The following SMG7 variants were observed in gnomAD, a reference collection of about 807,000 sequenced individuals.
SMG7 encodes nonsense-mediated mRNA decay factor SMG7.
In SMG7, 34 loss-of-function variants were observed where a neutral mutation model predicts 148.2. That is an observed-to-expected ratio of 0.23 (90% CI 0.17 to 0.31). The LOEUF (loss-of-function observed/expected upper bound fraction) is 0.31. Among genes scored for constraint, SMG7 ranks in the 10% least tolerant of loss-of-function variants. SMG7 has a pLI of 1.00. For missense variants in SMG7, 1,114 were observed against 1,408.4 expected (o/e 0.79, Z 3.35); for synonymous variants, 492 against 515.1 (o/e 0.96, Z 0.61).
intron 10 of SMG7, among the ~76,000 whole-genome samples, chr1:183,535,322 G>C (rs1396650261): frequency 6.6e-6 from 1 of 152,126 alleles, no homozygotes; most frequent in Non-Finnish European, 1.5e-5. Flanking sequence ...TGAACCAGAA[G>C]GAACAGCTTT....
chr1:183,504,130 G>A (rs1289425697), intron 1 of SMG7, among the ~76,000 whole-genome samples: 1 of 151,772 alleles, frequency 6.6e-6, no homozygotes, highest in East Asian at 1.9e-4. Context: ...GACTTTTATT[G>A]TATTGAAATT....
At position 183,472,542 on chromosome 1, in the gene SMG7, G is replaced by A; in HGVS notation, c.-79G>A. On this transcript the variant is annotated 5_prime_UTR_variant, in exon 1 of 23. Coordinates refer to ENST00000688051, the MANE Select transcript of SMG7 (RefSeq NM_001375584.1). Reference sequence around the variant, plus strand: ...AAGATGGCGGCGGCCGCCAGCACCCGCGGTGCCGCGGGGCCGCTCCGAGGA... The same window carrying A: ...AAGATGGCGGCGGCCGCCAGCACCCACGGTGCCGCGGGGCCGCTCCGAGGA... 2 of 1,318,184 alleles carry A rather than the reference G, an allele frequency of 1.5e-6. No homozygotes were observed. Among genetic ancestry groups the A allele is most frequent in the Non-Finnish European group, 2.0e-6 (2 of 1,017,948 alleles). The allele number at this position is 1,318,184 out of a possible 1,614,324, so 81.7% of individuals were successfully genotyped here. A position where few individuals can be genotyped will look rare whatever the true frequency, so the allele number is the denominator to read the frequency against.
intron 12 of SMG7, among the ~76,000 whole-genome samples, chr1:183,540,277 A>G (rs569490128): frequency 6.6e-6 from 1 of 152,222 alleles, no homozygotes; most frequent in Non-Finnish European, 1.5e-5. Context: ...TCCTCCTTTT[A>G]CTATATTCAC....
At chr1:183,483,544 A>G (rs911884373) in intron 1 of SMG7, among the ~76,000 whole-genome samples, 2 of 152,170 alleles carry the variant, frequency 1.3e-5, no homozygotes, top group Non-Finnish European at 2.9e-5. Context: ...GAGAACCACC[A>G]TAGGATAAAT....
intron 17 of SMG7, among the ~76,000 whole-genome samples, chr1:183,546,686 G>A (rs1385461024): frequency 6.6e-6 from 1 of 152,180 alleles, no homozygotes; most frequent in Non-Finnish European, 1.5e-5. Context: ...TAAATAAATT[G>A]CTCTCTGAGA....
chr1:183,482,155 C>T (rs959688913), intron 1 of SMG7, among the ~76,000 whole-genome samples: 1 of 151,956 alleles, frequency 6.6e-6, no homozygotes, highest in African/African-American at 2.4e-5. Context: ...ATTGAGACTA[C>T]CAGTCACATT....
chr1:183,505,009 ATTT>A (rs1446587221), intron 1 of SMG7, among the ~76,000 whole-genome samples: 2 of 149,856 alleles, frequency 1.3e-5, no homozygotes, highest in African/African-American at 4.9e-5. Flanking sequence ...ATTTTCTCCT[ATTT>A]TTTATTTTTT....
At position 183,538,405 on chromosome 1, in the gene SMG7, A is replaced by G. The variant is rs764568968; in HGVS notation, c.1260A>G (p.Glu420=). The G allele has an allele frequency of 2.5e-6, 4 of 1,613,446 alleles. No individual in the cohort carries two copies. Among genetic ancestry groups the G allele is most frequent in the Non-Finnish European group, 3.4e-6 (4 of 1,179,424 alleles). The change falls in exon 12 of 23, where the codon GAA becomes GAG. Residue 420 remains glutamate, a synonymous_variant. Coordinates refer to ENST00000688051, the MANE Select transcript of SMG7 (RefSeq NM_001375584.1). ...CGACACCACTTCCAGAGGAGTTTGA[A>G]TTACAAGGATTTTTGGCATTGAGAC... The part of the protein sequence containing the change: ...ISATPLPEEF[E]LQGFLALRPS...
At chr1:183,510,946 G>GTGC (rs1661976911) in intron 1 of SMG7, among the ~76,000 whole-genome samples, 1 of 151,648 alleles carries the variant, frequency 6.6e-6, no homozygotes, top group African/African-American at 2.4e-5. Context: ...AGCCGAGATC[G>GTGC]TGCTGCTGCA....
Position 183,551,130 on chromosome 1 carries a change from C to G in SMG7, c.3390C>G (p.Thr1130=). The change falls in exon 22 of 23, where the codon ACC becomes ACG. Residue 1130 remains threonine (T), a synonymous_variant. Transcript: ENST00000688051. ...SWHQASTPSG[T]WTGHGPSMED... is the part of the protein sequence containing the mutation. ...ATCAGGCCAGCACTCCGAGTGGCAC[C>G]TGGACAGGCCATGGCCCTTCCATGG... 1 of 1,605,790 alleles carries G rather than the reference C, an allele frequency of 6.2e-7. No individual in the cohort carries two copies. The highest frequency in any genetic ancestry group is 8.5e-7 in the Non-Finnish European group (1 of 1,178,002).
At position 183,552,825 on chromosome 1, in the gene SMG7, G is replaced by A; in HGVS notation, c.*894G>A. On this transcript the variant is annotated 3_prime_UTR_variant, in exon 23 of 23. Coordinates refer to ENST00000688051, the MANE Select transcript of SMG7 (RefSeq NM_001375584.1). Reference sequence around the variant, plus strand: ...GCCTGACACGTTCTAATAGGTAGAAGCTTTCAGTGTGGTTATTTTTTCTTT... The same window carrying A: ...GCCTGACACGTTCTAATAGGTAGAAACTTTCAGTGTGGTTATTTTTTCTTT... The A allele has an allele frequency of 2.1e-6, 3 of 1,431,610 alleles. No individual in the cohort carries two copies. In the South Asian group the frequency reaches 4.6e-5, roughly 22 times the overall value. The allele number at this position is 1,431,610 out of a possible 1,614,324, so 88.7% of individuals were successfully genotyped here. A position where few individuals can be genotyped will look rare whatever the true frequency, so the allele number is the denominator to read the frequency against.
At chr1:183,499,499 G>T (rs1019494190) in intron 1 of SMG7, among the ~76,000 whole-genome samples, 1 of 152,164 alleles carries the variant, frequency 6.6e-6, no homozygotes, top group Non-Finnish European at 1.5e-5. Flanking sequence ...GACGTTTTAT[G>T]TGGAGCATCT....
At position 183,512,938 on chromosome 1, in the gene SMG7, C is replaced by G; in HGVS notation, c.61+70C>G. 2.2e-6 allele frequency: 3 copies of G among 1,381,798 alleles called. No individual in the cohort carries two copies. In the South Asian group the frequency reaches 4.0e-5, roughly 18 times the overall value. 85.6% of individuals were successfully genotyped at this position (1,381,798 alleles called of 1,614,324 possible). On this transcript the variant is annotated intron_variant, in intron 2 of 22. Transcript: ENST00000688051. ...AAATTAATGGAAGGATATCCTCTTT[C>G]TTATATTATGCACAGCACTAAATCC...
In SMG7 at chr1:183,542,374, G is replaced by A. The variant is rs762619434; in HGVS notation, c.1714G>A (p.Asp572Asn). ...TTTTCCTCCCAAAGAGGTGAGAAGGGACTATAGCAAAGGAATAACTGTAAC... is the reference window on the plus strand; with the variant it reads ...TTTTCCTCCCAAAGAGGTGAGAAGGAACTATAGCAAAGGAATAACTGTAAC... The part of the protein sequence containing the change: ...RSFPPKEVRR[D>N]YSKGITVTKN... The change falls in exon 14 of 23, where the codon GAC (aspartate) becomes AAC (asparagine). Residue 572 changes from aspartate to asparagine, a missense_variant. Around this residue, in one of 4 missense-constraint regions of SMG7, gnomAD observed 788 missense variants for 894.5 expected, o/e 0.88. Transcript: ENST00000688051. 1.2e-6 allele frequency: 2 copies of A among 1,614,026 alleles called. No homozygotes were observed. The highest frequency in any genetic ancestry group is 1.7e-6 in the Non-Finnish European group (2 of 1,179,930).
chr1:183,512,363 A>G (rs990327117), intron 1 of SMG7, among the ~76,000 whole-genome samples: 1 of 152,170 alleles, frequency 6.6e-6, no homozygotes, highest in African/African-American at 2.4e-5. Flanking sequence ...AGTAAGTGGG[A>G]ATTGTTTTCC....
intron 18 of SMG7, chr1:183,548,981 ATC>A (rs1670470508): frequency 1.8e-6 from 1 of 547,330 alleles, no homozygotes; most frequent in African/African-American, 1.9e-5. Flanking sequence ...CCAGAATATA[ATC>A]TCTGACTAGG....
At chr1:183,472,920 C>G (rs1571684973) in intron 1 of SMG7, 8 of 393,424 alleles carry the variant, frequency 2.0e-5, no homozygotes, top group Non-Finnish European at 4.5e-6. Flanking sequence ...GCGCGCGCGC[C>G]CTTGGTCTCG....
At chr1:183,488,936 G>C (rs1656221341) in intron 1 of SMG7, among the ~76,000 whole-genome samples, 2 of 152,046 alleles carry the variant, frequency 1.3e-5, no homozygotes, top group South Asian at 4.1e-4. Context: ...CACCCGCCTT[G>C]GCCTCCCAAA....
At chr1:183,539,410 C>T (rs1668391705) in intron 12 of SMG7, among the ~76,000 whole-genome samples, 1 of 152,082 alleles carries the variant, frequency 6.6e-6, no homozygotes, top group South Asian at 2.1e-4. Flanking sequence ...AACTACATGC[C>T]TCTGAATGTT....
Sources: allele counts gnomAD v4.1 joint callset (sites outside exome capture counted in the v4.1 genomes callset), GRCh38; gene constraint gnomAD v4.1.1; regional missense constraint gnomAD v4.1.1; transcripts MANE v1.5; gene names NCBI Gene and HGNC (gene_info 2026-07-23, HGNC 2026-07-21).